The following TBL1XR1 variants were observed in gnomAD, a reference collection of about 807,000 sequenced individuals.
TBL1XR1 encodes F-box-like/WD repeat-containing protein TBL1XR1.
A neutral mutation model predicts 66.9 loss-of-function variants in TBL1XR1; 5 were observed. The observed-to-expected ratio is 0.07, with a 90% CI of 0.04 to 0.16. TBL1XR1 has a LOEUF of 0.16. TBL1XR1 is among the 10% of genes least tolerant of loss of function. The probability of loss-of-function intolerance (pLI) is 1.00; values close to 1 mark genes in which losing one functional copy is unlikely to be tolerated. For synonymous variants in TBL1XR1, 210 were observed against 206.0 expected, an observed-to-expected ratio of 1.02 and a Z score of -0.17; for missense variants, 238 against 623.2, an observed-to-expected ratio of 0.38 and a Z score of 6.58.
chr3:177,174,863 C>T (rs1267009275), intron 1 of TBL1XR1, among the ~76,000 whole-genome samples: 2 of 152,180 alleles, frequency 1.3e-5, no homozygotes, highest in Non-Finnish European at 2.9e-5. Context: ...GTTTAAAATC[C>T]TTCACTAGTT....
rs1577424640 is a variant in TBL1XR1 at position 177,186,262 on chromosome 3, C to T, written c.-122+10859G>A. Among the ~76,000 whole-genome samples the T allele has an allele frequency of 2.0e-5, 3 of 152,142 alleles. 1 individual carries two copies. The Middle Eastern group carries it at 0.01, about 517-fold the overall frequency. ...CAGAGAACAGTAATTTAAAGAAAAC[C>T]CATCATTTTACTAGGGGAAAAATCT... is the stretch of plus-strand genomic sequence containing the variant. On this transcript the variant is annotated intron_variant, in intron 1 of 15. Coordinates refer to ENST00000457928, the MANE Select transcript of TBL1XR1 (RefSeq NM_024665.7).
chr3:177,096,323 AACAT>A, intron 2 of TBL1XR1, among the ~76,000 whole-genome samples: 2 of 106,072 alleles, frequency 1.9e-5, no homozygotes, highest in Admixed American at 1.0e-4. Context: ...AACACACACT[AACAT>A]ACATACATAC....
At chr3:177,167,804 G>A (rs930792962) in intron 1 of TBL1XR1, among the ~76,000 whole-genome samples, 1 of 152,092 alleles carries the variant, frequency 6.6e-6, no homozygotes, top group Non-Finnish European at 1.5e-5. Context: ...AGTGGTATAT[G>A]CCTGTAATCC....
intron 2 of TBL1XR1, among the ~76,000 whole-genome samples, chr3:177,073,958 C>T (rs1720366121): frequency 6.6e-6 from 1 of 152,148 alleles, no homozygotes; most frequent in Admixed American, 6.5e-5. Flanking sequence ...GCATTTATTT[C>T]CCAAGAAAAC....
chr3:177,197,868 C>T (rs1399672488), upstream of TBL1XR1, among the ~76,000 whole-genome samples: 3 of 146,446 alleles, frequency 2.0e-5, no homozygotes, highest in Non-Finnish European at 4.5e-5. Flanking sequence ...CCCACCGCCG[C>T]GGGCCGGCCT....
intron 1 of TBL1XR1, among the ~76,000 whole-genome samples, chr3:177,132,540 G>C (rs1728429278): frequency 6.6e-6 from 1 of 152,170 alleles, no homozygotes. Context: ...TGTTAACAGA[G>C]ATGGGGGGAA....
chr3:177,081,514 C>T (rs1302694541), intron 2 of TBL1XR1, among the ~76,000 whole-genome samples: 1 of 151,880 alleles, frequency 6.6e-6, no homozygotes, highest in East Asian at 1.9e-4. Context: ...CTCTGGGAGG[C>T]TGAGAGAGAA....
chr3:177,180,011 A>C (rs1238078586), intron 1 of TBL1XR1, among the ~76,000 whole-genome samples: 1 of 152,092 alleles, frequency 6.6e-6, no homozygotes, highest in Non-Finnish European at 1.5e-5. Context: ...AGGCCAAGGC[A>C]GGCAATCATG....
chr3:177,150,933 G>C (rs1360081927), intron 1 of TBL1XR1, among the ~76,000 whole-genome samples: 1 of 152,192 alleles, frequency 6.6e-6, no homozygotes, highest in East Asian at 1.9e-4. Context: ...CACTGTATTG[G>C]AAGGTGAGTT....
intron 14 of TBL1XR1, among the ~76,000 whole-genome samples, chr3:177,031,865 T>A (rs1298959823): frequency 6.6e-6 from 1 of 151,986 alleles, no homozygotes; most frequent in Non-Finnish European, 1.5e-5. Flanking sequence ...TGCAACCACA[T>A]TACAAAGGGT....
intron 1 of TBL1XR1, among the ~76,000 whole-genome samples, chr3:177,140,020 C>T (rs775974805): frequency 6.6e-6 from 1 of 152,130 alleles, no homozygotes; most frequent in South Asian, 2.1e-4. Context: ...TACCTTGAAA[C>T]AGCCAGGTGC....
At chr3:177,176,978 A>C (rs1052945717) in intron 1 of TBL1XR1, among the ~76,000 whole-genome samples, 14 of 152,200 alleles carry the variant, frequency 9.2e-5, no homozygotes, top group Admixed American at 2.6e-4. Flanking sequence ...AAGCCATCTC[A>C]ATTTTTTGAA....
intron 2 of TBL1XR1, among the ~76,000 whole-genome samples, chr3:177,096,942 G>A (rs558066986): frequency 6.2e-4 from 95 of 152,218 alleles, no homozygotes; most frequent in Non-Finnish European, 1.0e-3. Flanking sequence ...GAGAGGAGGA[G>A]AGGAAAGGGA....
At chr3:177,106,237 G>C (rs558084972) in intron 1 of TBL1XR1, among the ~76,000 whole-genome samples, 1 of 152,316 alleles carries the variant, frequency 6.6e-6, no homozygotes, top group Admixed American at 6.5e-5. Context: ...GTAGGCAGAA[G>C]TTATAGAAAG....
At chr3:177,130,093 C>T (rs1233171678) in intron 1 of TBL1XR1, among the ~76,000 whole-genome samples, 1 of 141,168 alleles carries the variant, frequency 7.1e-6, no homozygotes, top group East Asian at 2.0e-4. Context: ...TGCAGTGAGC[C>T]GAGATCACGC....
chr3:177,046,513 G>GTT (rs911358900), intron 9 of TBL1XR1, among the ~76,000 whole-genome samples: 2 of 152,098 alleles, frequency 1.3e-5, no homozygotes, highest in African/African-American at 4.8e-5. Flanking sequence ...TCGTATAGAT[G>GTT]TTTAGTAAGA....
chr3:177,058,041 C>A (rs1028683739), intron 3 of TBL1XR1, among the ~76,000 whole-genome samples: 5 of 152,096 alleles, frequency 3.3e-5, no homozygotes, highest in Non-Finnish European at 5.9e-5. Context: ...ACAGAGCCTG[C>A]CAACTCTACC....
intron 3 of TBL1XR1, among the ~76,000 whole-genome samples, chr3:177,057,629 T>C (rs1056501099): frequency 1.3e-5 from 2 of 152,168 alleles, no homozygotes; most frequent in Non-Finnish European, 2.9e-5. Flanking sequence ...AATATATATA[T>C]GCAGAAAAAG....
At chr3:177,170,102 C>T (rs150904762) in intron 1 of TBL1XR1, among the ~76,000 whole-genome samples, 1 of 152,244 alleles carries the variant, frequency 6.6e-6, no homozygotes, top group East Asian at 1.9e-4. Flanking sequence ...CACTTCTCAC[C>T]TCTATCATGA....
Sources: gnomAD v4.1 joint callset for allele counts (sites outside exome capture counted in the v4.1 genomes callset) on GRCh38, gnomAD v4.1.1 for gene constraint, MANE v1.5 for transcripts, NCBI Gene and HGNC (gene_info 2026-07-23, HGNC 2026-07-21) for gene names.